Variants in IL1RL1 observed in about 807,000 individuals in gnomAD.
IL1RL1 encodes interleukin-1 receptor-like 1.
IL1RL1 carries 32 observed loss-of-function variants against 50.9 expected under a neutral mutation model. The observed-to-expected ratio is 0.63, with a 90% CI of 0.47 to 0.84. The LOEUF is 0.84. Ranked by LOEUF, IL1RL1 falls within the 40% of genes least tolerant of loss-of-function variation. IL1RL1 has a pLI of 0.00. For synonymous variants in IL1RL1, 275 were observed against 236.0 expected (o/e 1.17, Z -1.51); for missense variants, 773 against 662.9 (o/e 1.17, Z -1.82).
intron 1 of IL1RL1, among the ~76,000 whole-genome samples, chr2:102,314,421 A>G (rs10189711): frequency 0.54 from 81,433 of 152,060 alleles, 22,178 homozygotes; most frequent in Middle Eastern, 0.65. Context: ...CTGGGTAGAA[A>G]GGGATGCTAT....
intron 8 of IL1RL1, among the ~76,000 whole-genome samples, chr2:102,346,485 T>C (rs1677788498): frequency 6.6e-6 from 1 of 152,216 alleles, no homozygotes; most frequent in Admixed American, 6.5e-5. Flanking sequence ...AATTCACACT[T>C]ACGAAGACTT....
chr2:102,341,845 T>G (rs1559604423), intron 5 of IL1RL1, among the ~76,000 whole-genome samples: 1 of 152,160 alleles, frequency 6.6e-6, no homozygotes, highest in Non-Finnish European at 1.5e-5. Flanking sequence ...ACTCATCCAT[T>G]TATTATTTTC....
chr2:102,312,784 C>G (rs1181896484), intron 1 of IL1RL1: 1 of 152,140 alleles, frequency 6.6e-6, no homozygotes, highest in Non-Finnish European at 1.5e-5. Flanking sequence ...TGATCCTCTG[C>G]TTGGTGGCTC....
At chr2:102,344,364 A>G (rs2160203) in intron 8 of IL1RL1, 226,612 of 951,648 alleles carry the variant, frequency 0.24, 29,447 homozygotes, top group African/African-American at 0.46. Context: ...ATCATTGTTA[A>G]ACTTTGTAAA....
chr2:102,326,892 C>A (rs1677017792), intron 1 of IL1RL1, among the ~76,000 whole-genome samples: 1 of 152,136 alleles, frequency 6.6e-6, no homozygotes, highest in African/African-American at 2.4e-5. Flanking sequence ...TAGACTCCCA[C>A]ACAATAATAA....
chr2:102,314,567 T>C (rs768721308), intron 1 of IL1RL1, among the ~76,000 whole-genome samples: 5 of 152,244 alleles, frequency 3.3e-5, no homozygotes, highest in Non-Finnish European at 7.3e-5. Flanking sequence ...ACCACTTTTG[T>C]CTTGTGACAA....
rs1206622589 is a variant in IL1RL1, at chr2:102,351,826, A to T, written c.1576A>T (p.Lys526Ter). 1 of 1,613,940 alleles carries T rather than the reference A, an allele frequency of 6.2e-7. No individual in the cohort carries two copies. Among genetic ancestry groups the T allele is most frequent in the Non-Finnish European group, 8.5e-7 (1 of 1,179,878 alleles). Reference protein sequence around the residue: ...HIANKRSLNSKFWKHVRYQMP... With the variant: ...HIANKRSLNS ...TGCCAATAAAAGGTCCCTGAATTCT[A>T]AATTCTGGAAGCACGTGAGGTACCA... Residue 526 changes from lysine to a stop codon, truncating the protein, a stop_gained, in exon 11 of 11, where the codon AAA becomes TAA. Transcript: ENST00000233954. LOFTEE classifies it low-confidence loss of function (END_TRUNC).
chr2:102,331,586 C>T (rs1677180153), intron 1 of IL1RL1, among the ~76,000 whole-genome samples: 5 of 152,188 alleles, frequency 3.3e-5, no homozygotes, highest in Admixed American at 2.6e-4. Flanking sequence ...CAGGAGTTCC[C>T]ATGGGACCTC....
At chr2:102,347,140 C>T (rs1374397759) in intron 8 of IL1RL1, among the ~76,000 whole-genome samples, 3 of 152,166 alleles carry the variant, frequency 2.0e-5, no homozygotes, top group Non-Finnish European at 4.4e-5. Flanking sequence ...ACTGCTAAGC[C>T]CTTAGAGGCA....
At position 102,351,657 on chromosome 2, in the gene IL1RL1, C is replaced by T. The variant is rs1385722153; in HGVS notation, c.1407C>T (p.Ala469=). Residue 469 remains alanine (A), a synonymous_variant, in exon 11 of 11, where the codon GCC becomes GCT. Coordinates refer to ENST00000233954, the MANE Select transcript of IL1RL1 (RefSeq NM_016232.5). Reference sequence around the variant, plus strand: ...AGCAGGAGGTTGCCCTGCACTGTGCCCTCATCCAGAACGACGCCAAGGTGA... The same window carrying T: ...AGCAGGAGGTTGCCCTGCACTGTGCTCTCATCCAGAACGACGCCAAGGTGA... The part of the protein sequence containing the change: ...AYEQEVALHC[A]LIQNDAKVIL... 6.2e-7 allele frequency: 1 copy of T among 1,613,972 alleles called. No individual in the cohort carries two copies. The highest frequency in any genetic ancestry group is 1.3e-5 in the African/African-American group (1 of 74,884).
chr2:102,334,788 G>A (rs990640936), intron 1 of IL1RL1, among the ~76,000 whole-genome samples: 1 of 152,192 alleles, frequency 6.6e-6, no homozygotes, highest in Non-Finnish European at 1.5e-5. Flanking sequence ...TATCTGCTAA[G>A]TCAAATGAAG....
chr2:102,343,625 T>G, intron 8 of IL1RL1: 1 of 1,435,194 alleles, frequency 7.0e-7, no homozygotes, highest in Non-Finnish European at 9.1e-7. Flanking sequence ...TTGTTCGTCC[T>G]CCCCCACTCC....
rs749752440 is a variant in IL1RL1, at chr2:102,349,088, T to C, written c.1127T>C (p.Leu376Pro). The C allele has an allele frequency of 6.2e-7, 1 of 1,613,170 alleles. No homozygotes were observed. Among genetic ancestry groups the C allele is most frequent in the South Asian group, 1.1e-5 (1 of 91,060 alleles). ...KPYKTRNDGK[L>P]YDAYVVYPRN... ...TTGTTTTCATTTTCAGATGGAAAGC[T>C]CTATGATGCTTATGTTGTCTACCCA... Residue 376 changes from leucine (L) to proline (P), a missense_variant, in exon 10 of 11, where the codon CTC becomes CCC. Coordinates refer to ENST00000233954, the MANE Select transcript of IL1RL1 (RefSeq NM_016232.5).
rs1164538757 is a variant in IL1RL1 at position 102,351,846 on chromosome 2, G to C, written c.1596G>C (p.Arg532Ser). The change falls in exon 11 of 11, where the codon AGG becomes AGC. Residue 532 changes from arginine to serine, a missense_variant. Coordinates refer to ENST00000233954, the MANE Select transcript of IL1RL1 (RefSeq NM_016232.5). Reference protein sequence around the residue: ...SLNSKFWKHVRYQMPVPSKIP... With the variant: ...SLNSKFWKHVSYQMPVPSKIP... ...ATTCTAAATTCTGGAAGCACGTGAG[G>C]TACCAAATGCCTGTGCCAAGCAAAA... 2 of 1,613,974 alleles carry C rather than the reference G, an allele frequency of 1.2e-6. No homozygotes were observed. Among genetic ancestry groups the C allele is most frequent in the Non-Finnish European group, 8.5e-7 (1 of 1,179,916 alleles).
At chr2:102,335,275 A>G (rs1369175948) in intron 1 of IL1RL1, among the ~76,000 whole-genome samples, 1 of 152,252 alleles carries the variant, frequency 6.6e-6, no homozygotes, top group African/African-American at 2.4e-5. Context: ...TTTTCAAAGA[A>G]GAAATTATAG....
chr2:102,344,886 T>G (rs923469066), intron 8 of IL1RL1: 65 of 973,324 alleles, frequency 6.7e-5, no homozygotes, highest in Non-Finnish European at 7.2e-5. Flanking sequence ...CAGTTTTTTC[T>G]GAATCTAGCA....
intron 1 of IL1RL1, among the ~76,000 whole-genome samples, chr2:102,317,145 G>A (rs1676696935): frequency 6.6e-6 from 1 of 152,088 alleles, no homozygotes. Flanking sequence ...ATGAGGTCAG[G>A]AGATCGAGAC....
intron 1 of IL1RL1, among the ~76,000 whole-genome samples, chr2:102,323,572 A>G (rs1676901342): frequency 6.6e-6 from 1 of 152,026 alleles, no homozygotes; most frequent in Admixed American, 6.6e-5. Context: ...CAGAGATCAC[A>G]TGGGAGAGAA....
intron 1 of IL1RL1, among the ~76,000 whole-genome samples, chr2:102,314,171 T>C (rs1227703679): frequency 6.6e-6 from 1 of 152,120 alleles, no homozygotes; most frequent in Non-Finnish European, 1.5e-5. Context: ...AGTCGACACT[T>C]ACTAAGACTG....
Sources: gnomAD v4.1 joint callset for allele counts (sites outside exome capture counted in the v4.1 genomes callset) on GRCh38, gnomAD v4.1.1 for gene constraint, MANE v1.5 for transcripts, NCBI Gene and HGNC (gene_info 2026-07-23, HGNC 2026-07-21) for gene names.